The following ULK2 variants were observed in gnomAD, a reference collection of about 807,000 sequenced individuals.
ULK2 encodes the protein unc-51 like autophagy activating kinase 2, also known as serine/threonine-protein kinase ULK2.
Under a neutral mutation model 127.5 loss-of-function variants are expected in ULK2, and 76 were observed. The observed-to-expected ratio is 0.60, with a 90% CI of 0.50 to 0.72. ULK2 has a LOEUF of 0.72. Ranked by LOEUF, ULK2 falls within the 30% of genes least tolerant of loss-of-function variation. The pLI is 0.00. For synonymous variants in ULK2, 452 were observed against 461.9 expected (o/e 0.98, Z 0.28); for missense variants, 1,144 against 1,295.9 (o/e 0.88, Z 1.80).
intron 13 of ULK2, among the ~76,000 whole-genome samples, chr17:19,811,803 C>A (rs1295471210): frequency 6.6e-6 from 1 of 151,894 alleles, no homozygotes; most frequent in Non-Finnish European, 1.5e-5. Flanking sequence ...ATCCTAAGGA[C>A]AAAAAAGATC....
At chr17:19,793,391 AAAC>A (rs2087199041) in intron 20 of ULK2, among the ~76,000 whole-genome samples, 1 of 152,206 alleles carries the variant, frequency 6.6e-6, no homozygotes, top group Non-Finnish European at 1.5e-5. Flanking sequence ...AAGGCTAGCA[AAAC>A]AACACAACAG....
chr17:19,797,966 G>A (rs1163889091), intron 17 of ULK2, among the ~76,000 whole-genome samples: 2 of 152,124 alleles, frequency 1.3e-5, no homozygotes, highest in East Asian at 3.9e-4. Flanking sequence ...GGTCTGACTA[G>A]CACCAAAGAG....
intron 10 of ULK2, among the ~76,000 whole-genome samples, chr17:19,828,307 C>A (rs1207426686): frequency 6.6e-6 from 1 of 152,132 alleles, no homozygotes; most frequent in Non-Finnish European, 1.5e-5. Context: ...AGTAAAAAGC[C>A]ACATGAAGAC....
intron 10 of ULK2, among the ~76,000 whole-genome samples, chr17:19,835,086 G>C (rs1364841764): frequency 6.6e-6 from 1 of 151,816 alleles, no homozygotes; most frequent in Non-Finnish European, 1.5e-5. Flanking sequence ...AGAGCGAATG[G>C]AGCCATATTA....
chr17:19,820,435 CT>C (rs1369241577), intron 12 of ULK2, among the ~76,000 whole-genome samples: 1 of 152,096 alleles, frequency 6.6e-6, no homozygotes, highest in African/African-American at 2.4e-5. Flanking sequence ...CTCTAGCTTT[CT>C]TTTCCCTTCA....
At chr17:19,852,801 T>G (rs535909249) in intron 3 of ULK2, among the ~76,000 whole-genome samples, 29 of 151,308 alleles carry the variant, frequency 1.9e-4, no homozygotes, top group African/African-American at 5.8e-4. Flanking sequence ...TGGCTAGTTT[T>G]TTGTTGTTGT....
intron 3 of ULK2, chr17:19,861,002 T>C (rs1176401930): frequency 1.3e-5 from 2 of 150,906 alleles, no homozygotes; most frequent in African/African-American, 4.9e-5. Flanking sequence ...GAGGCAGAGG[T>C]GCAATGAGCT....
chr17:19,850,584 T>G (rs2041991553), intron 3 of ULK2, among the ~76,000 whole-genome samples: 1 of 152,146 alleles, frequency 6.6e-6, no homozygotes, highest in South Asian at 2.1e-4. Context: ...CCCAGCACTT[T>G]GGGAGGCCGA....
At chr17:19,858,138 G>A (rs1049433228) in intron 3 of ULK2, among the ~76,000 whole-genome samples, 4 of 152,014 alleles carry the variant, frequency 2.6e-5, no homozygotes, top group African/African-American at 9.7e-5. Flanking sequence ...GGTGGCTCAC[G>A]CCTGTAATCC....
chr17:19,772,889 A>C lies in ULK2; in HGVS notation c.*3460T>G, dbSNP rs540090553. The C allele has an allele frequency of 6.6e-6, 1 of 152,324 alleles. No individual in the cohort carries two copies. The highest frequency in any genetic ancestry group is 1.9e-4 in the East Asian group (1 of 5,178). The allele number at this position is 152,324 out of a possible 1,614,324, so 9.4% of individuals were successfully genotyped here. Reference sequence around the variant, plus strand: ...GCTACTCGGGAGGCTGAGGCGGGAGAATGGCATGAACCCCGGAGGCGGAGC... The same window carrying C: ...GCTACTCGGGAGGCTGAGGCGGGAGCATGGCATGAACCCCGGAGGCGGAGC... On this transcript the variant is annotated 3_prime_UTR_variant, in exon 27 of 27. Coordinates refer to ENST00000395544, the MANE Select transcript of ULK2 (RefSeq NM_014683.4).
intron 3 of ULK2, among the ~76,000 whole-genome samples, chr17:19,858,527 A>G (rs1227257163): frequency 3.9e-5 from 6 of 152,222 alleles, no homozygotes; most frequent in African/African-American, 1.4e-4. Context: ...ACATCTCATT[A>G]ACCAGCTCAA....
chr17:19,841,412 T>C (rs2041752221), intron 9 of ULK2, 77 bp downstream of exon 9: 1 of 1,372,574 alleles, frequency 7.3e-7, no homozygotes, highest in South Asian at 1.3e-5. Flanking sequence ...AAAATGAGAA[T>C]ACACAAAACA....
At position 19,796,002 on chromosome 17, in the gene ULK2, A is replaced by G. The variant is rs1041613340; in HGVS notation, c.1997+93T>C. Reference sequence around the variant, plus strand: ...AACCATATGGCATAAATCACCCGCTACACTAATGTAGTCTTGCTGCTTTTA... The same window carrying G: ...AACCATATGGCATAAATCACCCGCTGCACTAATGTAGTCTTGCTGCTTTTA... On this transcript the variant is annotated intron_variant, in intron 19 of 26. Transcript: ENST00000395544. 4 of 1,498,150 alleles carry G rather than the reference A, an allele frequency of 2.7e-6. No homozygotes were observed. In the African/African-American group the frequency reaches 5.6e-5, roughly 21 times the overall value. 92.8% of individuals were successfully genotyped at this position (1,498,150 alleles called of 1,614,324 possible). A position where few individuals can be genotyped will look rare whatever the true frequency, so the allele number is the denominator to read the frequency against.
At chr17:19,784,461 C>T (rs1053443258) in intron 21 of ULK2, among the ~76,000 whole-genome samples, 2 of 150,326 alleles carry the variant, frequency 1.3e-5, no homozygotes, top group African/African-American at 4.9e-5. Context: ...TCTAACGCAG[C>T]CCTGAGTAAG....
intron 13 of ULK2, among the ~76,000 whole-genome samples, chr17:19,814,556 T>C (rs157400): frequency 0.94 from 141,580 of 149,842 alleles, 67,045 homozygotes; most frequent in Non-Finnish European, 0.97. Context: ...AGACTACAGG[T>C]ATGCACCACC....
chr17:19,816,757 T>C lies in ULK2; in HGVS notation c.1088A>G (p.Asp363Gly). The change falls in exon 13 of 27, where the codon GAC (aspartate) becomes GGC (glycine). Residue 363 changes from aspartate (D) to glycine (G), a missense_variant. Coordinates refer to ENST00000395544, the MANE Select transcript of ULK2 (RefSeq NM_014683.4). ...GTAGAAAAGATTCTCACATGAGTGG[T>C]CTGACGAGATGTTGTGTGGCACCAA... ...FVLVPHNISS[D>G]HSCDMPVGTA... 1 of 1,589,556 alleles carries C rather than the reference T, an allele frequency of 6.3e-7. No homozygotes were observed. Among genetic ancestry groups the C allele is most frequent in the Non-Finnish European group, 8.5e-7 (1 of 1,172,208 alleles).
In ULK2 at chr17:19,846,847, CGCATGGCAGCA is replaced by C; in HGVS notation, c.348_358del (p.Ala117AsnfsTer47). On this transcript the variant is annotated frameshift_variant, in exon 6 of 27. Coordinates refer to ENST00000395544, the MANE Select transcript of ULK2 (RefSeq NM_014683.4). LOFTEE classifies it high-confidence loss of function. ...GATGATTCCTTTGCTGTGCAGGATT[CGCATGGCAGCA>C]GCAATCTGATGCAGAAACACTCTGA... 1 of 1,613,870 alleles carries C rather than the reference CGCATGGCAGCA, an allele frequency of 6.2e-7. No individual in the cohort carries two copies. The highest frequency in any genetic ancestry group is 8.5e-7 in the Non-Finnish European group (1 of 1,179,934).
chr17:19,845,188 A>C lies in ULK2; in HGVS notation c.543+116T>G, dbSNP rs971409458. The C allele has an allele frequency of 6.4e-5, 57 of 883,780 alleles. No homozygotes were observed. The East Asian group carries it at 1.4e-3, about 22-fold the overall frequency. 54.7% of individuals were successfully genotyped at this position (883,780 alleles called of 1,614,324 possible). On this transcript the variant is annotated intron_variant, in intron 7 of 26. Coordinates refer to ENST00000395544, the MANE Select transcript of ULK2 (RefSeq NM_014683.4). ...ATCAGTAATATAATTAACATTAGTAATAACAACTTGGACTATATGTAAAAT... is the reference window on the plus strand; with the variant it reads ...ATCAGTAATATAATTAACATTAGTACTAACAACTTGGACTATATGTAAAAT...
chr17:19,863,657 C>T (rs2152403740), intron 3 of ULK2, among the ~76,000 whole-genome samples: 1 of 152,236 alleles, frequency 6.6e-6, no homozygotes, highest in East Asian at 1.9e-4. Flanking sequence ...AGCCACCACA[C>T]CCAGCCTGAT....
Sources: gnomAD v4.1 joint callset for allele counts (sites outside exome capture counted in the v4.1 genomes callset) on GRCh38, gnomAD v4.1.1 for gene constraint, MANE v1.5 for transcripts, NCBI Gene and HGNC (gene_info 2026-07-23, HGNC 2026-07-21) for gene names.